Variants in GALNT17 observed in about 807,000 individuals in gnomAD.
GALNT17 encodes the protein UDP-GalNAc:polypeptide N-acetylgalactosaminyltransferase-like 3.
In GALNT17, 29 loss-of-function variants were observed where a neutral mutation model predicts 63.7. The observed-to-expected ratio is 0.46, with a 90% CI of 0.34 to 0.62. GALNT17 has a LOEUF of 0.62. Among genes scored for constraint, GALNT17 ranks in the 20% least tolerant of loss-of-function variants. The probability of loss-of-function intolerance (pLI) is 0.01; values close to 1 mark genes in which losing one functional copy is unlikely to be tolerated. For missense variants in GALNT17, 603 were observed against 799.6 expected (o/e 0.75, Z 2.97); for synonymous variants, 305 against 318.3 (o/e 0.96, Z 0.45).
chr7:71,184,667 C>G (rs1032993184), intron 1 of GALNT17, among the ~76,000 whole-genome samples: 1 of 152,108 alleles, frequency 6.6e-6, no homozygotes, highest in South Asian at 2.1e-4. Context: ...TGGAATGGGC[C>G]GTGCACTTTT....
chr7:71,352,905 A>C (rs527769950), intron 2 of GALNT17, among the ~76,000 whole-genome samples: 28 of 152,270 alleles, frequency 1.8e-4, no homozygotes, highest in African/African-American at 6.7e-4. Flanking sequence ...CGATAGTGAG[A>C]TGCCAGAATC....
intron 5 of GALNT17, among the ~76,000 whole-genome samples, chr7:71,522,596 C>G (rs1788547625): frequency 6.6e-6 from 1 of 152,156 alleles, no homozygotes; most frequent in Non-Finnish European, 1.5e-5. Context: ...CCCCATAATT[C>G]AGTCATCTCC....
chr7:71,421,223 C>A, intron 5 of GALNT17, 118 bp downstream of exon 5: 1 of 1,018,302 alleles, frequency 9.8e-7, no homozygotes, highest in Non-Finnish European at 1.4e-6. Context: ...GCACACAGCT[C>A]TCCAGGAGCC....
At chr7:71,432,622 AGTT>A (rs533424895) in intron 5 of GALNT17, among the ~76,000 whole-genome samples, 63 of 152,266 alleles carry the variant, frequency 4.1e-4, no homozygotes, top group African/African-American at 1.5e-3. Flanking sequence ...AATGAAGATG[AGTT>A]GTTTAGTGTC....
intron 3 of GALNT17, among the ~76,000 whole-genome samples, chr7:71,411,844 T>C (rs750106723): frequency 3.3e-5 from 5 of 152,344 alleles, no homozygotes; most frequent in Non-Finnish European, 7.3e-5. Context: ...GAGCAGCTTT[T>C]GGAGGACAGG....
At chr7:71,161,144 T>C (rs1193344277) in intron 1 of GALNT17, among the ~76,000 whole-genome samples, 3 of 152,176 alleles carry the variant, frequency 2.0e-5, no homozygotes, top group Non-Finnish European at 2.9e-5. Flanking sequence ...TTTTGATATA[T>C]TTTGTCAAAC....
intron 5 of GALNT17, among the ~76,000 whole-genome samples, chr7:71,429,020 CCTT>C (rs1268197331): frequency 1.3e-5 from 2 of 152,226 alleles, no homozygotes; most frequent in Non-Finnish European, 1.5e-5. Context: ...CCTCCTGACA[CCTT>C]CTTTTCCTGG....
At position 71,681,306 on chromosome 7, in the gene GALNT17, G is replaced by C. The variant is rs184680926; in HGVS notation, c.1500+4000G>C. On this transcript the variant is annotated intron_variant, in intron 9 of 10. Coordinates refer to ENST00000333538, the MANE Select transcript of GALNT17 (RefSeq NM_022479.3). ...CAGGGAGCCACTGGAAGGCTCACCT[G>C]GGGGTGGGAGAGGTGATATGTTTAG... 3.3e-5 allele frequency among the ~76,000 whole-genome samples: 5 copies of C among 152,320 alleles called. No homozygotes were observed. In the East Asian group the frequency reaches 7.7e-4, roughly 24 times the overall value.
chr7:71,395,513 A>G (rs1038365913), intron 3 of GALNT17, among the ~76,000 whole-genome samples: 2 of 152,298 alleles, frequency 1.3e-5, no homozygotes, highest in South Asian at 4.1e-4. Context: ...GGTTGTTTCT[A>G]CTTTGGGGCT....
chr7:71,477,344 G>T (rs759217384), intron 5 of GALNT17, among the ~76,000 whole-genome samples: 1 of 152,124 alleles, frequency 6.6e-6, no homozygotes, highest in Non-Finnish European at 1.5e-5. Flanking sequence ...ATTGTGCCAC[G>T]GAGGTTGGTG....
intron 5 of GALNT17, among the ~76,000 whole-genome samples, chr7:71,560,193 CAAAAAAAAA>C (rs57189106): frequency 2.1e-5 from 2 of 94,478 alleles, no homozygotes; most frequent in Non-Finnish European, 2.0e-5. Context: ...GACTCCATCT[CAAAAAAAAA>C]AAAAAAAAAA....
intron 2 of GALNT17, among the ~76,000 whole-genome samples, 194 bp downstream of exon 2, chr7:71,335,927 CAA>C (rs1045785109): frequency 1.3e-5 from 2 of 151,628 alleles, no homozygotes; most frequent in African/African-American, 4.8e-5. Context: ...CAGTTGTTAT[CAA>C]AGTGTTCCAG....
chr7:71,233,976 A>C, intron 1 of GALNT17, among the ~76,000 whole-genome samples: 1 of 152,126 alleles, frequency 6.6e-6, no homozygotes, highest in East Asian at 1.9e-4. Flanking sequence ...ACTTTTAAAC[A>C]ATCAGATCTC....
At chr7:71,199,161 A>T (rs918707816) in intron 1 of GALNT17, among the ~76,000 whole-genome samples, 49 of 152,134 alleles carry the variant, frequency 3.2e-4, no homozygotes, top group Admixed American at 3.9e-4. Flanking sequence ...ATGTCCTTTG[A>T]TTAGGTGGCC....
At chr7:71,452,956 T>C (rs1341641850) in intron 5 of GALNT17, among the ~76,000 whole-genome samples, 1 of 152,210 alleles carries the variant, frequency 6.6e-6, no homozygotes, top group Non-Finnish European at 1.5e-5. Flanking sequence ...ACCTAGATCC[T>C]GGCCTTAGAT....
At chr7:71,228,434 A>G (rs1048386860) in intron 1 of GALNT17, among the ~76,000 whole-genome samples, 2 of 152,150 alleles carry the variant, frequency 1.3e-5, no homozygotes, top group Admixed American at 1.3e-4. Context: ...CCTTGTAACA[A>G]ATTGCCACAA....
At chr7:71,676,575 G>C (rs1192685916) in intron 8 of GALNT17, among the ~76,000 whole-genome samples, 2 of 151,788 alleles carry the variant, frequency 1.3e-5, no homozygotes, top group Non-Finnish European at 2.9e-5. Flanking sequence ...TTTTTAGGAT[G>C]GGGCCTCGCT....
chr7:71,456,857 T>C (rs938386676), intron 5 of GALNT17, among the ~76,000 whole-genome samples: 3 of 152,196 alleles, frequency 2.0e-5, no homozygotes, highest in African/African-American at 7.2e-5. Flanking sequence ...CTTACTTTTA[T>C]ACATTTTAGG....
chr7:71,308,768 G>C (rs1791356513), intron 1 of GALNT17, among the ~76,000 whole-genome samples: 1 of 146,340 alleles, frequency 6.8e-6, no homozygotes, highest in African/African-American at 2.6e-5. Flanking sequence ...TTTTGAAACA[G>C]AGTCAAGCTC....
Sources: allele counts gnomAD v4.1 joint callset (sites outside exome capture counted in the v4.1 genomes callset), GRCh38; gene constraint gnomAD v4.1.1; transcripts MANE v1.5; gene names NCBI Gene and HGNC (gene_info 2026-07-23, HGNC 2026-07-21).